Variants in DAB1 observed in about 807,000 individuals in gnomAD.
DAB1 encodes the protein DAB adaptor protein 1.
Under a neutral mutation model 64.6 loss-of-function variants are expected in DAB1, and 15 were observed. The ratio of observed to expected loss-of-function variants is 0.23; its 90% confidence interval spans 0.16 to 0.36. DAB1 has a LOEUF of 0.36. Ranked by LOEUF, DAB1 falls within the 10% of genes least tolerant of loss-of-function variation. The probability of loss-of-function intolerance (pLI) is 1.00; values close to 1 mark genes in which losing one functional copy is unlikely to be tolerated. For synonymous variants in DAB1, 235 were observed against 251.9 expected, an observed-to-expected ratio of 0.93 and a Z score of 0.64; for missense variants, 596 against 706.7, an observed-to-expected ratio of 0.84 and a Z score of 1.78.
chr1:58,130,422 C>T (rs2100693430), intron 5 of DAB1, among the ~76,000 whole-genome samples: 1 of 151,926 alleles, frequency 6.6e-6, no homozygotes, highest in East Asian at 1.9e-4. Flanking sequence ...ACTTGCCAGT[C>T]TGTGCCTTTT....
intron 1 of DAB1, among the ~76,000 whole-genome samples, chr1:57,339,112 C>G (rs1677338649): frequency 6.7e-6 from 1 of 149,760 alleles, no homozygotes; most frequent in Admixed American, 6.7e-5. Context: ...TTCTTACTGA[C>G]TTAGGAAAAA....
At chr1:57,753,942 G>A (rs1328087684) in intron 6 of DAB1, among the ~76,000 whole-genome samples, 2 of 152,124 alleles carry the variant, frequency 1.3e-5, no homozygotes, top group East Asian at 1.9e-4. Context: ...TTTCAGAATC[G>A]CAGAGATACA....
rs551195635 is a variant in DAB1, at chr1:57,706,870, C to A, written n.552-57205G>T. 4.6e-5 allele frequency among the ~76,000 whole-genome samples: 7 copies of A among 151,892 alleles called. No homozygotes were observed. The South Asian group carries it at 1.5e-3, about 32-fold the overall frequency. ...GGCGCATCACCTGAGGTCAGGAGTT[C>A]GAGACCAGACTGCCCAACATGGTGA... On this transcript the variant is annotated intron_variant and non_coding_transcript_variant, in intron 6 of 20. Coordinates refer to the DAB1 transcript ENST00000485760.
chr1:57,406,617 T>C (rs1683660879), intron 1 of DAB1, among the ~76,000 whole-genome samples: 1 of 152,220 alleles, frequency 6.6e-6, no homozygotes, highest in African/African-American at 2.4e-5. Flanking sequence ...ATCATCTTCA[T>C]CATTGCATCA....
chr1:58,283,046 T>C (rs1432508082), intron 4 of DAB1, among the ~76,000 whole-genome samples: 3 of 147,790 alleles, frequency 2.0e-5, no homozygotes, highest in Non-Finnish European at 4.5e-5. Context: ...ATGTAAGTAA[T>C]AGTAGACAGA....
At chr1:58,444,029 T>A (rs987130630) in intron 3 of DAB1, among the ~76,000 whole-genome samples, 5 of 152,240 alleles carry the variant, frequency 3.3e-5, no homozygotes, top group African/African-American at 1.2e-4. Context: ...GATAATGCAG[T>A]ACCTAGTGAA....
At chr1:57,423,051 C>T (rs1432210538) in intron 1 of DAB1, among the ~76,000 whole-genome samples, 1 of 151,826 alleles carries the variant, frequency 6.6e-6, no homozygotes, top group Non-Finnish European at 1.5e-5. Context: ...GACACGACCT[C>T]CCCCCATCTC....
chr1:57,800,750 G>C (rs1004651159), intron 6 of DAB1, among the ~76,000 whole-genome samples: 1 of 152,120 alleles, frequency 6.6e-6, no homozygotes, highest in African/African-American at 2.4e-5. Flanking sequence ...ATCAGTTCCA[G>C]TGACCTGTTA....
chr1:57,052,327 T>A (rs1016689656), intron 9 of DAB1, among the ~76,000 whole-genome samples: 1 of 152,166 alleles, frequency 6.6e-6, no homozygotes, highest in Non-Finnish European at 1.5e-5. Flanking sequence ...TATCTGATCA[T>A]CAGAATTTTT....
At chr1:58,279,577 T>A (rs1182117916) in intron 4 of DAB1, among the ~76,000 whole-genome samples, 10 of 152,090 alleles carry the variant, frequency 6.6e-5, no homozygotes, top group Admixed American at 5.9e-4. Context: ...TTCAGAGAGG[T>A]GGAAGTACGT....
intron 2 of DAB1, among the ~76,000 whole-genome samples, chr1:58,524,683 T>G (rs1646322168): frequency 6.6e-6 from 1 of 152,182 alleles, no homozygotes; most frequent in South Asian, 2.1e-4. Flanking sequence ...GCTGCAGACC[T>G]CAATCTACAG....
At chr1:58,174,163 A>T (rs1304959508) in intron 4 of DAB1, among the ~76,000 whole-genome samples, 1 of 152,156 alleles carries the variant, frequency 6.6e-6, no homozygotes, top group Non-Finnish European at 1.5e-5. Flanking sequence ...TACACTAACC[A>T]GTTGGGGATA....
intron 4 of DAB1, among the ~76,000 whole-genome samples, chr1:58,193,855 TA>T (rs1166411352): frequency 6.1e-4 from 83 of 136,208 alleles, no homozygotes; most frequent in Middle Eastern, 7.3e-3. Flanking sequence ...AAACTCTGTC[TA>T]AAAAAAAAAA....
intron 1 of DAB1, among the ~76,000 whole-genome samples, chr1:57,315,565 C>T (rs748447470): frequency 2.0e-5 from 3 of 152,064 alleles, no homozygotes; most frequent in South Asian, 2.1e-4. Flanking sequence ...TGCAGTGGTG[C>T]GATCTCGGCT....
At chr1:57,313,962 G>A (rs965746199) in intron 1 of DAB1, among the ~76,000 whole-genome samples, 4 of 152,170 alleles carry the variant, frequency 2.6e-5, no homozygotes, top group African/African-American at 7.2e-5. Context: ...CACTGAATCT[G>A]CTGGAGCCTT....
chr1:57,693,276 A>AG (rs1334939231), intron 6 of DAB1, among the ~76,000 whole-genome samples: 6 of 152,050 alleles, frequency 3.9e-5, no homozygotes, highest in Non-Finnish European at 7.4e-5. Context: ...TCCTGTTTAG[A>AG]GGGGGGATTA....
At position 57,140,902 on chromosome 1, in the gene DAB1, A is replaced by T. The variant is rs554235936; in HGVS notation, c.208-4261T>A. On this transcript the variant is annotated intron_variant, in intron 3 of 14. Coordinates refer to ENST00000371236, the MANE Select transcript of DAB1 (RefSeq NM_001365792.1). ...GCAAGAGTCACAGGCTGCCCTGTTC[A>T]GCTCAGGGGTTGCTTTGAGAATCAG... Among the ~76,000 whole-genome samples, 8 of 152,318 alleles carry T rather than the reference A, an allele frequency of 5.3e-5. No homozygotes were observed. In the South Asian group the frequency reaches 1.2e-3, roughly 24 times the overall value.
At chr1:57,931,050 T>G (rs1570016555) in intron 5 of DAB1, among the ~76,000 whole-genome samples, 1 of 152,328 alleles carries the variant, frequency 6.6e-6, no homozygotes, top group South Asian at 2.1e-4. Flanking sequence ...GCTGACAGTT[T>G]TTATCCTTAA....
chr1:58,148,180 C>T (rs1045599503), intron 5 of DAB1, among the ~76,000 whole-genome samples: 92 of 152,136 alleles, frequency 6.0e-4, no homozygotes, highest in Non-Finnish European at 1.6e-4. Context: ...TCTGCAACCC[C>T]CTCACCATCA....
Sources: gnomAD v4.1 joint callset for allele counts (sites outside exome capture counted in the v4.1 genomes callset) on GRCh38, gnomAD v4.1.1 for gene constraint, MANE v1.5 for transcripts, NCBI Gene and HGNC (gene_info 2026-07-23, HGNC 2026-07-21) for gene names.